The following FRMD5 variants were observed in gnomAD, a reference collection of about 807,000 sequenced individuals.
FRMD5 encodes the protein FERM domain-containing protein 5.
FRMD5 carries 20 observed loss-of-function variants against 69.0 expected under a neutral mutation model. The ratio of observed to expected loss-of-function variants is 0.29; its 90% confidence interval spans 0.20 to 0.42. The LOEUF (loss-of-function observed/expected upper bound fraction) is 0.42. Ranked by LOEUF, FRMD5 falls within the 10% of genes least tolerant of loss-of-function variation. The probability of loss-of-function intolerance (pLI) is 1.00; values close to 1 mark genes in which losing one functional copy is unlikely to be tolerated. For synonymous variants in FRMD5, 271 were observed against 260.1 expected, an observed-to-expected ratio of 1.04 and a Z score of -0.40; for missense variants, 595 against 708.6, an observed-to-expected ratio of 0.84 and a Z score of 1.82.
chr15:44,081,160 T>C (rs1308852889), intron 1 of FRMD5, among the ~76,000 whole-genome samples: 2 of 152,108 alleles, frequency 1.3e-5, no homozygotes. Flanking sequence ...CAACTAACCC[T>C]ATTTTAGTTT....
At position 43,876,077 on chromosome 15, in the gene FRMD5, T is replaced by C. The variant is rs1321523560; in HGVS notation, c.1136-1615A>G. The C allele has an allele frequency of 6.9e-6, 9 of 1,300,864 alleles. No homozygotes were observed. In the Admixed American group the frequency reaches 8.4e-5, roughly 12 times the overall value. 80.6% of individuals were successfully genotyped at this position (1,300,864 alleles called of 1,614,324 possible). A position where few individuals can be genotyped will look rare whatever the true frequency, so the allele number is the denominator to read the frequency against. ...TGAATCTCATCCCAGACTTTAACTTTTCCATGGCTTCCATGATTTTGCCAT... is the reference window on the plus strand; with the variant it reads ...TGAATCTCATCCCAGACTTTAACTTCTCCATGGCTTCCATGATTTTGCCAT... On this transcript the variant is annotated intron_variant, in intron 13 of 13. Transcript: ENST00000417257.
At chr15:44,097,622 T>A (rs776135325) in intron 1 of FRMD5, among the ~76,000 whole-genome samples, 29 of 152,306 alleles carry the variant, frequency 1.9e-4, no homozygotes, top group Middle Eastern at 6.8e-3. Context: ...AACACAAATA[T>A]ATACACACAC....
chr15:44,098,727 G>T (rs540825044), intron 1 of FRMD5, among the ~76,000 whole-genome samples: 10 of 152,198 alleles, frequency 6.6e-5, no homozygotes, highest in African/African-American at 2.4e-4. Context: ...ACTTAAAGAA[G>T]ACTCTACGTT....
At chr15:43,950,549 A>G (rs1358151218) in intron 1 of FRMD5, among the ~76,000 whole-genome samples, 2 of 152,196 alleles carry the variant, frequency 1.3e-5, no homozygotes, top group Non-Finnish European at 2.9e-5. Context: ...GCAGGGATGC[A>G]TTAAGAGAGA....
chr15:43,951,334 A>G (rs893285183), intron 1 of FRMD5, among the ~76,000 whole-genome samples: 4 of 151,492 alleles, frequency 2.6e-5, no homozygotes, highest in African/African-American at 9.7e-5. Flanking sequence ...AGGCAGGAGA[A>G]TGGTGTGAAC....
At chr15:44,128,349 G>T (rs952933735) in intron 1 of FRMD5, among the ~76,000 whole-genome samples, 1 of 152,130 alleles carries the variant, frequency 6.6e-6, no homozygotes, top group Non-Finnish European at 1.5e-5. Context: ...GCGTGGTGGC[G>T]CAGGCCTGTA....
At chr15:44,084,815 T>C (rs1225775819) in intron 1 of FRMD5, among the ~76,000 whole-genome samples, 1 of 152,148 alleles carries the variant, frequency 6.6e-6, no homozygotes, top group Non-Finnish European at 1.5e-5. Flanking sequence ...GTTATATCTC[T>C]AGTGAAAAAC....
chr15:43,995,023 T>C (rs1889855918), intron 1 of FRMD5, among the ~76,000 whole-genome samples: 1 of 152,186 alleles, frequency 6.6e-6, no homozygotes, highest in Admixed American at 6.5e-5. Flanking sequence ...TCTTGTTTTC[T>C]CCTTTAGCAC....
intron 1 of FRMD5, among the ~76,000 whole-genome samples, chr15:44,089,126 C>A (rs1250531323): frequency 6.6e-6 from 1 of 152,172 alleles, no homozygotes; most frequent in East Asian, 1.9e-4. Context: ...AATTTATCAG[C>A]ACAGGAGGGG....
intron 1 of FRMD5, among the ~76,000 whole-genome samples, chr15:44,013,217 T>C (rs1328568602): frequency 2.0e-5 from 3 of 152,210 alleles, no homozygotes; most frequent in Non-Finnish European, 4.4e-5. Context: ...AGCAAGATCC[T>C]ATCTTTACAA....
At chr15:44,151,150 C>A (rs761687706) in intron 1 of FRMD5, among the ~76,000 whole-genome samples, 9 of 151,982 alleles carry the variant, frequency 5.9e-5, no homozygotes, top group Admixed American at 3.9e-4. Context: ...GTAATCCCAG[C>A]ACTTTGGGAG....
intron 1 of FRMD5, among the ~76,000 whole-genome samples, chr15:43,959,838 C>A (rs767731041): frequency 8.5e-5 from 13 of 152,070 alleles, no homozygotes; most frequent in Admixed American, 8.5e-4. Context: ...TCCCTTTTAA[C>A]GGGCCTATTG....
intron 4 of FRMD5, among the ~76,000 whole-genome samples, chr15:43,916,488 CTT>C (rs1048346466): frequency 2.1e-4 from 32 of 152,208 alleles, no homozygotes; most frequent in Non-Finnish European, 3.8e-4. Flanking sequence ...AATATTGAGA[CTT>C]TGCTCAGTGC....
intron 1 of FRMD5, among the ~76,000 whole-genome samples, chr15:44,022,138 G>C (rs747063065): frequency 6.6e-6 from 1 of 152,136 alleles, no homozygotes; most frequent in Non-Finnish European, 1.5e-5. Flanking sequence ...TGAGGAGGGA[G>C]TAATAGTTTC....
In FRMD5 at chr15:43,874,103, G is replaced by T. The variant is rs761699700; in HGVS notation, c.1495C>A (p.Leu499Ile). Residue 499 changes from leucine (L) to isoleucine (I), a missense_variant, in exon 14 of 14, where the codon CTA (leucine) becomes ATA (isoleucine). Coordinates refer to ENST00000417257, the MANE Select transcript of FRMD5 (RefSeq NM_032892.5). ...PEEEQVNKFV[L>I]SVLRLLLVTM... ...ACAAGGAGCAAACGGAGGACACTTAGAACAAACTTATTCACCTGTTCCTCC... is the reference window on the plus strand; with the variant it reads ...ACAAGGAGCAAACGGAGGACACTTATAACAAACTTATTCACCTGTTCCTCC... 5.6e-6 allele frequency: 9 copies of T among 1,614,100 alleles called. No individual in the cohort carries two copies. The highest frequency in any genetic ancestry group is 7.6e-6 in the Non-Finnish European group (9 of 1,180,048).
chr15:44,089,343 A>G (rs1444332863), intron 1 of FRMD5, among the ~76,000 whole-genome samples: 1 of 152,170 alleles, frequency 6.6e-6, no homozygotes, highest in East Asian at 1.9e-4. Context: ...TGTAATGTGG[A>G]ACTGACCACT....
chr15:44,144,386 C>T (rs2077323280), intron 1 of FRMD5, among the ~76,000 whole-genome samples: 1 of 152,164 alleles, frequency 6.6e-6, no homozygotes, highest in Non-Finnish European at 1.5e-5. Context: ...CACTGGGTGA[C>T]AGCTAGGCAT....
At chr15:44,009,203 A>G (rs1890600641) in intron 1 of FRMD5, among the ~76,000 whole-genome samples, 1 of 152,186 alleles carries the variant, frequency 6.6e-6, no homozygotes, top group African/African-American at 2.4e-5. Flanking sequence ...AGCTCACACT[A>G]TCTCTTCTTT....
intron 4 of FRMD5, among the ~76,000 whole-genome samples, chr15:43,916,782 T>A (rs1298465987): frequency 1.3e-5 from 2 of 150,686 alleles, no homozygotes; most frequent in East Asian, 3.9e-4. Flanking sequence ...AAATTGTATT[T>A]TTTTTTTTTT....
Sources: gnomAD v4.1 joint callset for allele counts (sites outside exome capture counted in the v4.1 genomes callset) on GRCh38, gnomAD v4.1.1 for gene constraint, MANE v1.5 for transcripts, NCBI Gene and HGNC (gene_info 2026-07-23, HGNC 2026-07-21) for gene names.